Variants in SEMA3A observed in about 807,000 individuals in gnomAD.
SEMA3A encodes semaphorin-3A.
In SEMA3A, 29 loss-of-function variants were observed where a neutral mutation model predicts 97.9. That is an observed-to-expected ratio of 0.30 (90% CI 0.22 to 0.40). The LOEUF is 0.40. Among genes scored for constraint, SEMA3A ranks in the 10% least tolerant of loss-of-function variants. The pLI, the probability that SEMA3A is intolerant of heterozygous loss-of-function variation, is 1.00. For missense variants in SEMA3A, 763 were observed against 951.3 expected, an observed-to-expected ratio of 0.80 and a Z score of 2.60; for synonymous variants, 321 against 323.7, an observed-to-expected ratio of 0.99 and a Z score of 0.09.
intron 4 of SEMA3A, among the ~76,000 whole-genome samples, chr7:84,064,143 C>T (rs1793379233): frequency 6.6e-6 from 1 of 152,126 alleles, no homozygotes; most frequent in East Asian, 1.9e-4. Context: ...GAATTTTCAA[C>T]CCAGAATTTC....
chr7:84,422,175 A>G (rs1325972029), intron 1 of SEMA3A, among the ~76,000 whole-genome samples: 1 of 152,012 alleles, frequency 6.6e-6, no homozygotes, highest in Non-Finnish European at 1.5e-5. Flanking sequence ...TAGGCTATTA[A>G]TTACTGCCTC....
chr7:84,492,671 C>G (rs1048851058), exon 1 of SEMA3A: 1 of 151,970 alleles, frequency 6.6e-6, no homozygotes, highest in African/African-American at 2.4e-5. Context: ...ATCTATTACC[C>G]CTGAGGCTCT....
chr7:84,439,605 C>G (rs1805220467), intron 1 of SEMA3A, among the ~76,000 whole-genome samples: 1 of 152,124 alleles, frequency 6.6e-6, no homozygotes, highest in Non-Finnish European at 1.5e-5. Flanking sequence ...ACTTTTCAAA[C>G]AGTGACTGTC....
At chr7:84,429,178 A>T (rs1177657722) in intron 1 of SEMA3A, among the ~76,000 whole-genome samples, 1 of 151,960 alleles carries the variant, frequency 6.6e-6, no homozygotes, top group Non-Finnish European at 1.5e-5. Flanking sequence ...TCTCTACTTT[A>T]TTTATGCCTA....
At chr7:84,006,539 C>T (rs1281115092) in intron 10 of SEMA3A, among the ~76,000 whole-genome samples, 4 of 152,052 alleles carry the variant, frequency 2.6e-5, no homozygotes, top group African/African-American at 7.2e-5. Context: ...GATGTAAACA[C>T]TCCATGTAAG....
chr7:83,991,228 A>G (rs1024701685), intron 12 of SEMA3A, among the ~76,000 whole-genome samples: 70 of 152,054 alleles, frequency 4.6e-4, no homozygotes, highest in African/African-American at 1.6e-3. Context: ...GGCTGAGACA[A>G]TGGGGTTTTC....
intron 3 of SEMA3A, among the ~76,000 whole-genome samples, chr7:84,215,805 T>A (rs1256844274): frequency 6.6e-6 from 1 of 152,110 alleles, no homozygotes; most frequent in African/African-American, 2.4e-5. Flanking sequence ...ATGAACTAAT[T>A]TTTCATTCAC....
At chr7:84,137,244 C>CA (rs1188463751) in intron 1 of SEMA3A, among the ~76,000 whole-genome samples, 1 of 151,426 alleles carries the variant, frequency 6.6e-6, no homozygotes, top group Non-Finnish European at 1.5e-5. Flanking sequence ...ACTAAAAATA[C>CA]AAAAAAATAA....
intron 1 of SEMA3A, among the ~76,000 whole-genome samples, chr7:84,471,999 G>A (rs531179121): frequency 4.6e-4 from 69 of 151,298 alleles, no homozygotes; most frequent in African/African-American, 1.6e-3. Context: ...GACACTGATC[G>A]CTAACCAAAT....
intron 1 of SEMA3A, among the ~76,000 whole-genome samples, chr7:84,142,018 C>T (rs1456440102): frequency 6.6e-6 from 1 of 152,152 alleles, no homozygotes; most frequent in Non-Finnish European, 1.5e-5. Flanking sequence ...ACACAAGTGT[C>T]CTAGGCCATG....
intron 3 of SEMA3A, among the ~76,000 whole-genome samples, chr7:84,205,734 T>A (rs1473767688): frequency 6.6e-6 from 1 of 152,198 alleles, no homozygotes; most frequent in Non-Finnish European, 1.5e-5. Context: ...CAGTAGACTT[T>A]AAAGAATCAT....
intron 3 of SEMA3A, among the ~76,000 whole-genome samples, chr7:84,301,772 T>G (rs1244846253): frequency 6.6e-6 from 1 of 152,152 alleles, no homozygotes; most frequent in Non-Finnish European, 1.5e-5. Context: ...TGAATTTGGC[T>G]TAAGTACTAT....
At chr7:84,008,542 TA>T (rs1790761705) in intron 9 of SEMA3A, among the ~76,000 whole-genome samples, 1 of 151,668 alleles carries the variant, frequency 6.6e-6, no homozygotes, top group South Asian at 2.1e-4. Flanking sequence ...ATTAGGCTTA[TA>T]GAAATGTGGC....
At chr7:84,371,201 T>A (rs915635786) in intron 2 of SEMA3A, among the ~76,000 whole-genome samples, 5 of 151,806 alleles carry the variant, frequency 3.3e-5, no homozygotes, top group Non-Finnish European at 7.4e-5. Flanking sequence ...CTTCAGAAAC[T>A]TTTTACAGAA....
chr7:84,175,017 C>T (rs756858979), intron 1 of SEMA3A, among the ~76,000 whole-genome samples: 4 of 151,896 alleles, frequency 2.6e-5, no homozygotes, highest in African/African-American at 2.4e-5. Flanking sequence ...AATGAGTATG[C>T]GTAATTGAAC....
intron 1 of SEMA3A, among the ~76,000 whole-genome samples, chr7:84,168,698 A>G (rs1463251482): frequency 6.6e-6 from 1 of 151,896 alleles, no homozygotes; most frequent in Non-Finnish European, 1.5e-5. Context: ...ATGCCATTTT[A>G]TAAGCAAATT....
chr7:84,081,589 T>C (rs1199802046), intron 4 of SEMA3A, among the ~76,000 whole-genome samples: 1 of 117,738 alleles, frequency 8.5e-6, no homozygotes, highest in Non-Finnish European at 1.8e-5. Context: ...CGAGACTCCG[T>C]CTCTTAAAAA....
intron 3 of SEMA3A, among the ~76,000 whole-genome samples, chr7:84,244,628 T>C (rs1024274086): frequency 6.6e-6 from 1 of 152,158 alleles, no homozygotes; most frequent in East Asian, 1.9e-4. Context: ...AATCCTGTCA[T>C]CATTATGCTA....
chr7:84,234,831 C>G (rs975462198), intron 3 of SEMA3A, among the ~76,000 whole-genome samples: 3 of 152,018 alleles, frequency 2.0e-5, no homozygotes, highest in Admixed American at 6.6e-5. Context: ...TGTGCCATTT[C>G]AATTTTCAAA....
Sources: gnomAD v4.1 joint callset for allele counts (sites outside exome capture counted in the v4.1 genomes callset) on GRCh38, gnomAD v4.1.1 for gene constraint, MANE v1.5 for transcripts, NCBI Gene and HGNC (gene_info 2026-07-23, HGNC 2026-07-21) for gene names.